The following GALNT12 variants were observed in gnomAD, a reference collection of about 807,000 sequenced individuals.
GALNT12 encodes UDP-GalNAc:polypeptide N-acetylgalactosaminyltransferase 12.
In GALNT12, 45 loss-of-function variants were observed where a neutral mutation model predicts 55.5. The ratio of observed to expected loss-of-function variants is 0.81; its 90% CI spans 0.64 to 1.04. The LOEUF is 1.04. GALNT12 is among the 50% of genes least tolerant of loss of function. The pLI, the probability that GALNT12 is intolerant of heterozygous loss-of-function variation, is 0.00. For synonymous variants in GALNT12, 304 were observed against 312.2 expected (o/e 0.97, Z 0.28); for missense variants, 709 against 754.8 (o/e 0.94, Z 0.71).
intron 1 of GALNT12, among the ~76,000 whole-genome samples, chr9:98,822,188 C>T (rs979471432): frequency 6.6e-6 from 1 of 152,238 alleles, no homozygotes; most frequent in African/African-American, 2.4e-5. Context: ...TCCAGCATTT[C>T]ACCCCCTTCT....
In GALNT12 at chr9:98,844,146, T is replaced by C. The variant is rs1588458080; in HGVS notation, c.1395T>C (p.Asp465=). ...ACTGCTTTGACTATAACCCTCCCGA[T>C]GAAAACCAGATTGTGGGACACCAGG... ...TDYCFDYNPP[D]ENQIVGHQVI... The change falls in exon 8 of 10, where the codon GAT becomes GAC. Residue 465 remains aspartate (D), a synonymous_variant. Transcript: ENST00000375011. 1.9e-6 allele frequency: 3 copies of C among 1,614,084 alleles called. No homozygotes were observed. Among genetic ancestry groups the C allele is most frequent in the Non-Finnish European group, 2.5e-6 (3 of 1,179,950 alleles).
intron 6 of GALNT12, among the ~76,000 whole-genome samples, chr9:98,838,960 T>C (rs146230553): frequency 6.6e-6 from 1 of 152,304 alleles, no homozygotes; most frequent in Non-Finnish European, 1.5e-5. Context: ...CTTGCTCTGC[T>C]CTGCAGAGCC....
intron 1 of GALNT12, among the ~76,000 whole-genome samples, chr9:98,812,050 C>G (rs995627919): frequency 6.6e-6 from 1 of 152,100 alleles, no homozygotes; most frequent in African/African-American, 2.4e-5. Flanking sequence ...GGGAGTAGGA[C>G]ATTAGACTGA....
intron 9 of GALNT12, 41 bp from the exon 10 acceptor site, chr9:98,848,911 C>T (rs371121958): frequency 6.2e-7 from 1 of 1,613,296 alleles, no homozygotes; most frequent in African/African-American, 1.3e-5. Flanking sequence ...GAAAAAGAGA[C>T]TTTTCTGATG....
Position 98,849,326 on chromosome 9 carries a change from A to G in GALNT12, c.*234A>G. On this transcript the variant is annotated 3_prime_UTR_variant, in exon 10 of 10. Transcript: ENST00000375011. ...CCAAAATACCCTATTTTCAAAGGGT[A>G]ATCGTAAGATGTTAACCCTTGGTAT... 1 of 602,730 alleles carries G rather than the reference A, an allele frequency of 1.7e-6. No homozygotes were observed. The allele number at this position is 602,730 out of a possible 1,614,324, so 37.3% of individuals were successfully genotyped here. A position where few individuals can be genotyped will look rare whatever the true frequency, so the allele number is the denominator to read the frequency against.
At chr9:98,827,432 C>T (rs1835884016) in intron 3 of GALNT12, among the ~76,000 whole-genome samples, 1 of 152,046 alleles carries the variant, frequency 6.6e-6, no homozygotes, top group Non-Finnish European at 1.5e-5. Context: ...AACTCCTGAC[C>T]TCAAACTCCT....
intron 6 of GALNT12, among the ~76,000 whole-genome samples, chr9:98,837,612 C>T (rs555603539): frequency 6.6e-6 from 1 of 152,340 alleles, no homozygotes; most frequent in South Asian, 2.1e-4. Flanking sequence ...TCACAACCTT[C>T]TTGCATTTAG....
At chr9:98,817,425 A>G (rs1331258030) in intron 1 of GALNT12, among the ~76,000 whole-genome samples, 1 of 151,926 alleles carries the variant, frequency 6.6e-6, no homozygotes, top group Non-Finnish European at 1.5e-5. Flanking sequence ...TATAACATGT[A>G]TTTGTTGGAG....
At chr9:98,836,687 G>A (rs1020891160) in intron 5 of GALNT12, among the ~76,000 whole-genome samples, 2 of 152,112 alleles carry the variant, frequency 1.3e-5, no homozygotes, top group South Asian at 2.1e-4. Context: ...GGTTGCCAGC[G>A]AGGTCTCTGT....
rs142566953 is a variant in GALNT12, at chr9:98,848,265, C to G, written c.1606-687C>G. Among the ~76,000 whole-genome samples the G allele has an allele frequency of 1.2e-4, 19 of 152,316 alleles. No homozygotes were observed. In the East Asian group the frequency reaches 3.7e-3, roughly 29 times the overall value. ...TCACTGATGTTGTTATTCACTCTGC[C>G]TGTTTGCTGCTCAGCCATGATTAAG... On this transcript the variant is annotated intron_variant, in intron 9 of 9. Transcript: ENST00000375011.
intron 4 of GALNT12, among the ~76,000 whole-genome samples, chr9:98,832,278 G>A (rs1170785518): frequency 2.0e-5 from 3 of 152,120 alleles, no homozygotes; most frequent in African/African-American, 7.2e-5. Flanking sequence ...CCAGTACTTT[G>A]GGAAGCCAAG....
Position 98,837,054 on chromosome 9 carries a change from G to A in GALNT12, c.1118G>A (p.Arg373His), listed in dbSNP as rs920049418. Residue 373 changes from arginine to histidine, a missense_variant, in exon 6 of 10, where the codon CGC becomes CAC. Around this residue, in one of 5 missense-constraint regions of GALNT12, gnomAD observed 262 missense variants for 310.7 expected, o/e 0.84. Coordinates refer to ENST00000375011, the MANE Select transcript of GALNT12 (RefSeq NM_024642.5). Reference protein sequence around the residue: ...HVFPKQAPYSRNKALANSVRA... With the variant: ...HVFPKQAPYSHNKALANSVRA... ...TTCCCCAAGCAAGCTCCCTACTCCC[G>A]CAACAAGGCTCTGGCCAACAGTGTT... is the stretch of plus-strand genomic sequence containing the variant. 36 of 1,614,020 alleles carry A rather than the reference G, an allele frequency of 2.2e-5. No homozygotes were observed. The highest frequency in any genetic ancestry group is 5.3e-5 in the African/African-American group (4 of 74,908).
intron 1 of GALNT12, among the ~76,000 whole-genome samples, chr9:98,819,750 A>G (rs1038074277): frequency 6.6e-6 from 1 of 151,804 alleles, no homozygotes; most frequent in African/African-American, 2.4e-5. Flanking sequence ...AGGTGGGGAG[A>G]TGTGATACAG....
intron 8 of GALNT12, among the ~76,000 whole-genome samples, chr9:98,845,296 T>C (rs1217869246): frequency 6.6e-6 from 1 of 152,048 alleles, no homozygotes; most frequent in African/African-American, 2.4e-5. Context: ...CCCACCTGTG[T>C]CAGAATTTTT....
intron 2 of GALNT12, among the ~76,000 whole-genome samples, chr9:98,823,833 G>A (rs2118359196): frequency 6.6e-6 from 1 of 152,326 alleles, no homozygotes; most frequent in South Asian, 2.1e-4. Flanking sequence ...AATGGCCAAT[G>A]GCAGGGGAGG....
At position 98,823,364 on chromosome 9, in the gene GALNT12, T is replaced by G; in HGVS notation, c.480T>G (p.Leu160=). Residue 160 remains leucine (L), a synonymous_variant, in exon 2 of 10, where the codon CTT becomes CTG. Coordinates refer to ENST00000375011, the MANE Select transcript of GALNT12 (RefSeq NM_024642.5). The part of the protein sequence containing the change: ...STLLRTVYSV[L]ETSPDILLEE... ...TCCTTCGGACAGTTTACAGTGTCCT[T>G]GAGACATCCCCGGATATCCTGCTAG... 1 of 1,614,022 alleles carries G rather than the reference T, an allele frequency of 6.2e-7. No individual in the cohort carries two copies. Among genetic ancestry groups the G allele is most frequent in the Non-Finnish European group, 8.5e-7 (1 of 1,179,846 alleles).
At chr9:98,812,790 T>C (rs1835522682) in intron 1 of GALNT12, among the ~76,000 whole-genome samples, 1 of 152,178 alleles carries the variant, frequency 6.6e-6, no homozygotes, top group African/African-American at 2.4e-5. Flanking sequence ...CCTCATTCCA[T>C]TTTTTTCCTC....
Position 98,849,308 on chromosome 9 carries a change from A to T in GALNT12, c.*216A>T. Reference sequence around the variant, plus strand: ...GAGAACTTTTTAAATGTTCCAAAATACCCTATTTTCAAAGGGTAATCGTAA... The same window carrying T: ...GAGAACTTTTTAAATGTTCCAAAATTCCCTATTTTCAAAGGGTAATCGTAA... On this transcript the variant is annotated 3_prime_UTR_variant, in exon 10 of 10. Transcript: ENST00000375011. 1.6e-6 allele frequency: 1 copy of T among 608,012 alleles called. No homozygotes were observed. Among genetic ancestry groups the T allele is most frequent in the East Asian group, 2.7e-5 (1 of 36,526 alleles). 37.7% of individuals were successfully genotyped at this position (608,012 alleles called of 1,614,324 possible). A position where few individuals can be genotyped will look rare whatever the true frequency, so the allele number is the denominator to read the frequency against.
rs569913222 is a variant in GALNT12 at position 98,840,219 on chromosome 9, G to A, written c.1344+86G>A. 1,410 of 1,547,114 alleles carry A rather than the reference G, an allele frequency of 9.1e-4. 8 individuals are homozygous for A. Among genetic ancestry groups the A allele is most frequent in the Middle Eastern group, 2.8e-3 (12 of 4,304 alleles). Reference sequence around the variant, plus strand: ...GCAAATCCTGGGCAAGAAAGGCCACGTCATGGGGAGCACTGGCTTCCTCCA... The same window carrying A: ...GCAAATCCTGGGCAAGAAAGGCCACATCATGGGGAGCACTGGCTTCCTCCA... On this transcript the variant is annotated intron_variant, in intron 7 of 9. Coordinates refer to ENST00000375011, the MANE Select transcript of GALNT12 (RefSeq NM_024642.5).
Sources: allele counts gnomAD v4.1 joint callset (sites outside exome capture counted in the v4.1 genomes callset), GRCh38; gene constraint gnomAD v4.1.1; regional missense constraint gnomAD v4.1.1; transcripts MANE v1.5; gene names NCBI Gene and HGNC (gene_info 2026-07-23, HGNC 2026-07-21).